The following NIPA2 variants were observed in gnomAD, a reference collection of about 807,000 sequenced individuals.
NIPA2 encodes the protein magnesium transporter NIPA2.
NIPA2 carries 11 observed loss-of-function variants against 29.7 expected under a neutral mutation model. That is an observed-to-expected ratio of 0.37 (90% CI 0.23 to 0.61). The LOEUF (loss-of-function observed/expected upper bound fraction) is 0.61, where lower values mean the gene tolerates loss of function less well. Among genes scored for constraint, NIPA2 ranks in the 20% least tolerant of loss-of-function variants. The probability of loss-of-function intolerance (pLI) is 0.66; values close to 1 mark genes in which losing one functional copy is unlikely to be tolerated. For missense variants in NIPA2, 426 were observed against 437.9 expected, an observed-to-expected ratio of 0.97 and a Z score of 0.24; for synonymous variants, 183 against 161.9, an observed-to-expected ratio of 1.13 and a Z score of -0.99.
intron 3 of NIPA2, among the ~76,000 whole-genome samples, chr15:22,849,289 T>C (rs1566831793): frequency 6.6e-6 from 1 of 150,656 alleles, no homozygotes; most frequent in Non-Finnish European, 1.5e-5. Context: ...TTCTTTCTTT[T>C]TATGTATATA....
At chr15:22,856,498 T>C (rs1301657416) in intron 5 of NIPA2, among the ~76,000 whole-genome samples, 1 of 152,070 alleles carries the variant, frequency 6.6e-6, no homozygotes, top group African/African-American at 2.4e-5. Context: ...AATTCCTTGA[T>C]TGAATTTTAA....
chr15:22,859,826 CT>C (rs1467821477), intron 6 of NIPA2, among the ~76,000 whole-genome samples: 3 of 151,856 alleles, frequency 2.0e-5, no homozygotes, highest in Non-Finnish European at 4.4e-5. Context: ...CCTTAATTTT[CT>C]TTGTAGTATT....
In NIPA2 at chr15:22,866,852, G is replaced by A. The variant is rs577014852; in HGVS notation, c.*5G>A. On this transcript the variant is annotated 3_prime_UTR_variant, in exon 8 of 8. Transcript: ENST00000337451. Reference sequence around the variant, plus strand: ...GGAAATCTGACAGCTTTTTAAGAAAGGTGTAATTAAAGGTTAATCTGTGAT... The same window carrying A: ...GGAAATCTGACAGCTTTTTAAGAAAAGTGTAATTAAAGGTTAATCTGTGAT... The A allele has an allele frequency of 2.0e-6, 3 of 1,497,654 alleles. No individual in the cohort carries two copies. Among genetic ancestry groups the A allele is most frequent in the Non-Finnish European group, 2.7e-6 (3 of 1,096,538 alleles). The allele number at this position is 1,497,654 out of a possible 1,614,324, so 92.8% of individuals were successfully genotyped here.
intron 2 of NIPA2, among the ~76,000 whole-genome samples, chr15:22,842,903 A>G (rs947347566): frequency 6.6e-6 from 1 of 150,982 alleles, no homozygotes; most frequent in Non-Finnish European, 1.5e-5. Flanking sequence ...CTCGGGAGGC[A>G]GAGGCAGGAG....
At chr15:22,855,192 C>T (rs2058087297) in intron 5 of NIPA2, among the ~76,000 whole-genome samples, 1 of 151,950 alleles carries the variant, frequency 6.6e-6, no homozygotes, top group Non-Finnish European at 1.5e-5. Flanking sequence ...GTGGGTGGAT[C>T]ACCTGAGGTC....
rs1169148795 is a variant in NIPA2, at chr15:22,860,077, C to G, written c.288-552C>G. Among the ~76,000 whole-genome samples, 25 of 149,246 alleles carry G rather than the reference C, an allele frequency of 1.7e-4. No individual in the cohort carries two copies. In the Admixed American group the frequency reaches 1.7e-3, roughly 10 times the overall value. On this transcript the variant is annotated intron_variant, in intron 6 of 7. Coordinates refer to ENST00000337451, the MANE Select transcript of NIPA2 (RefSeq NM_030922.7). The stretch of plus-strand genomic sequence containing the variant: ...ATGGAGTTTCACTGTGTCACCCAGG[C>G]TGGAGTGCAGTGGCGCGATGTCAGC...
intron 2 of NIPA2, among the ~76,000 whole-genome samples, chr15:22,841,552 A>T (rs865922158): frequency 2.0e-5 from 3 of 151,924 alleles, no homozygotes; most frequent in Middle Eastern, 6.3e-3. Flanking sequence ...CTTGTTGCCC[A>T]GGCTAGAGTG....
In NIPA2 at chr15:22,844,473, G is replaced by C. The variant is rs146549613; in HGVS notation, c.-215-673G>C. ...GGAGGCTGAGGCAGGAGACTTGCTT[G>C]AACCCGGGAGACGGAGGTTGCAGTG... On this transcript the variant is annotated intron_variant, in intron 2 of 7. Coordinates refer to ENST00000337451, the MANE Select transcript of NIPA2 (RefSeq NM_030922.7). 9.5e-3 allele frequency among the ~76,000 whole-genome samples: 1,443 copies of C among 152,144 alleles called. 22 individuals are homozygous for C. The highest frequency in any genetic ancestry group is 0.032 in the African/African-American group (1,343 of 41,496).
chr15:22,866,470 C>CTAAA lies in NIPA2; in HGVS notation c.709_712dup (p.Arg238LysfsTer2). ...CTGTGTGAGCACACAGATTAATTACCTAAATAGGGCCCTGGATATATTCAA... is the reference window on the plus strand; with the variant it reads ...CTGTGTGAGCACACAGATTAATTACCTAAATAAATAGGGCCCTGGATATATTCAA... On this transcript the variant is annotated frameshift_variant, in exon 8 of 8. Transcript: ENST00000337451. LOFTEE classifies it high-confidence loss of function. The CTAAA allele has an allele frequency of 6.2e-7, 1 of 1,614,110 alleles. No homozygotes were observed. Among genetic ancestry groups the CTAAA allele is most frequent in the Non-Finnish European group, 8.5e-7 (1 of 1,179,994 alleles).
intron 3 of NIPA2, among the ~76,000 whole-genome samples, chr15:22,850,105 T>C (rs1215774878): frequency 6.6e-6 from 1 of 152,114 alleles, no homozygotes; most frequent in African/African-American, 2.4e-5. Flanking sequence ...TTTTTGGTTT[T>C]TCAAAAATCA....
At chr15:22,853,113 AGTAAC>A (rs1217504702) in intron 4 of NIPA2, 94 bp from the exon 5 acceptor site, 1 of 775,012 alleles carries the variant, frequency 1.3e-6, no homozygotes, top group East Asian at 2.6e-5. Flanking sequence ...TATTTAAAGG[AGTAAC>A]TGAGATATTT....
intron 7 of NIPA2, 38 bp from the exon 8 acceptor site, chr15:22,866,175 A>C: frequency 6.4e-7 from 1 of 1,567,318 alleles, no homozygotes; most frequent in Non-Finnish European, 8.7e-7. Context: ...AGAACAACCA[A>C]CCATTTGACT....
intron 1 of NIPA2, 97 bp from the exon 2 acceptor site, chr15:22,839,558 T>G (rs751084866): frequency 2.0e-5 from 3 of 152,228 alleles, no homozygotes; most frequent in Non-Finnish European, 4.4e-5. Context: ...TTATGTTGAT[T>G]GGTTGGCAAA....
intron 5 of NIPA2, among the ~76,000 whole-genome samples, chr15:22,854,121 A>T (rs2057999369): frequency 6.8e-6 from 1 of 147,172 alleles, no homozygotes; most frequent in Non-Finnish European, 1.5e-5. Context: ...CACCATGCCC[A>T]GCCGTTACTT....
intron 3 of NIPA2, among the ~76,000 whole-genome samples, chr15:22,847,784 C>CT (rs1386215830): frequency 5.3e-5 from 8 of 150,986 alleles, no homozygotes; most frequent in Non-Finnish European, 1.2e-4. Flanking sequence ...GTCAGATGAT[C>CT]TTTTTTATTT....
At chr15:22,846,527 A>C (rs1048581638) in intron 3 of NIPA2, among the ~76,000 whole-genome samples, 1 of 152,146 alleles carries the variant, frequency 6.6e-6, no homozygotes, top group Non-Finnish European at 1.5e-5. Context: ...TACAAGTAAA[A>C]TCTGGGCAGG....
At chr15:22,862,656 GTT>G (rs1174899512) in intron 7 of NIPA2, among the ~76,000 whole-genome samples, 1 of 151,996 alleles carries the variant, frequency 6.6e-6, no homozygotes, top group Non-Finnish European at 1.5e-5. Flanking sequence ...GCTAACTTTA[GTT>G]TTAGAATTCT....
intron 6 of NIPA2, 139 bp from the exon 7 acceptor site, chr15:22,860,490 T>C (rs536760223): frequency 2.0e-4 from 122 of 624,532 alleles, no homozygotes; most frequent in East Asian, 1.3e-3. Flanking sequence ...ATACTTTTTT[T>C]CCTTGGCGAA....
At chr15:22,858,659 G>A in intron 6 of NIPA2, 29 bp downstream of exon 6, 1 of 1,346,008 alleles carries the variant, frequency 7.4e-7, no homozygotes, top group Non-Finnish European at 1.0e-6. Context: ...TGTAGAAACA[G>A]TAGTCGGTAT....
Sources: gnomAD v4.1 joint callset for allele counts (sites outside exome capture counted in the v4.1 genomes callset) on GRCh38, gnomAD v4.1.1 for gene constraint, MANE v1.5 for transcripts, NCBI Gene and HGNC (gene_info 2026-07-23, HGNC 2026-07-21) for gene names.